The following JPH3 variants were observed in gnomAD, a reference collection of about 807,000 sequenced individuals.
JPH3 encodes the protein junctophilin-3.
A neutral mutation model predicts 59.6 loss-of-function variants in JPH3; 11 were observed. The observed-to-expected ratio is 0.18, with a 90% CI of 0.12 to 0.31. The LOEUF is 0.31. JPH3 is among the 10% of genes least tolerant of loss of function. The pLI, the probability that JPH3 is intolerant of heterozygous loss-of-function variation, is 1.00. For synonymous variants in JPH3, 673 were observed against 483.6 expected (o/e 1.39, Z -5.14); for missense variants, 1,202 against 1,105.7 (o/e 1.09, Z -1.24).
At position 87,690,190 on chromosome 16, in the gene JPH3, C is replaced by G; in HGVS notation, c.1830C>G (p.Asn610Lys). ...LLELQEEKLSNYRMEMKPLLR... is the reference protein window; with the variant it reads ...LLELQEEKLSKYRMEMKPLLR... ...AGCTGCAGGAGGAGAAGCTGAGCAA[C>G]TACCGGATGGAGATGAAACCCTTGC... The change falls in exon 4 of 5, where the codon AAC becomes AAG. Residue 610 changes from asparagine (N) to lysine (K), a missense_variant. By Grantham distance (94) the Asn-to-Lys change is moderately conservative. Coordinates refer to ENST00000284262, the MANE Select transcript of JPH3 (RefSeq NM_020655.4). The G allele has an allele frequency of 6.2e-7, 1 of 1,602,170 alleles. No individual in the cohort carries two copies. The highest frequency in any genetic ancestry group is 8.5e-7 in the Non-Finnish European group (1 of 1,174,952).
At chr16:87,627,915 C>T (rs1302445379) in intron 1 of JPH3, among the ~76,000 whole-genome samples, 2 of 152,060 alleles carry the variant, frequency 1.3e-5, no homozygotes, top group African/African-American at 2.4e-5. Flanking sequence ...TTTCCACTAA[C>T]CCTGCTGTCT....
intron 2 of JPH3, among the ~76,000 whole-genome samples, chr16:87,663,319 G>T (rs148024386): frequency 0.06 from 9,133 of 152,128 alleles, 378 homozygotes; most frequent in Non-Finnish European, 0.091. Context: ...CGTTGGTCAG[G>T]CTGGTCTCAA....
intron 2 of JPH3, among the ~76,000 whole-genome samples, chr16:87,674,122 C>T (rs1393438886): frequency 2.6e-5 from 4 of 151,568 alleles, no homozygotes; most frequent in Non-Finnish European, 5.9e-5. Flanking sequence ...ATCACGAGGT[C>T]AGGAGATCGA....
intron 4 of JPH3, among the ~76,000 whole-genome samples, chr16:87,691,320 C>G (rs2033567115): frequency 1.3e-5 from 2 of 152,306 alleles, no homozygotes; most frequent in African/African-American, 2.4e-5. Context: ...GAATGAAGGG[C>G]TGTGGGACGG....
chr16:87,696,266 G>A, intron 4 of JPH3: 2 of 480,846 alleles, frequency 4.2e-6, no homozygotes, highest in Non-Finnish European at 7.7e-6. Context: ...TTGCAGGGAG[G>A]CCTGGGTGGT....
chr16:87,641,430 G>T (rs2031947525), intron 1 of JPH3, among the ~76,000 whole-genome samples: 1 of 152,156 alleles, frequency 6.6e-6, no homozygotes, highest in Non-Finnish European at 1.5e-5. Context: ...GCAGCTTTGG[G>T]GGTACAGAAT....
At chr16:87,636,930 C>T (rs1285382056) in intron 1 of JPH3, among the ~76,000 whole-genome samples, 1 of 152,158 alleles carries the variant, frequency 6.6e-6, no homozygotes, top group Non-Finnish European at 1.5e-5. Flanking sequence ...CGCAGTGGGG[C>T]CTGGACGCGG....
intron 1 of JPH3, among the ~76,000 whole-genome samples, chr16:87,627,658 A>G (rs1436047279): frequency 2.8e-5 from 4 of 144,326 alleles, no homozygotes; most frequent in Non-Finnish European, 6.0e-5. Flanking sequence ...CTTGGAGGGA[A>G]TGATTTTTTA....
chr16:87,676,070 CGAT>C (rs1468765335), intron 2 of JPH3, among the ~76,000 whole-genome samples: 3 of 152,252 alleles, frequency 2.0e-5, no homozygotes, highest in Non-Finnish European at 4.4e-5. Context: ...AGTTAGATCA[CGAT>C]GGTGGTGACC....
intron 2 of JPH3, among the ~76,000 whole-genome samples, chr16:87,662,401 C>G (rs2032733231): frequency 6.6e-6 from 1 of 151,558 alleles, no homozygotes; most frequent in Non-Finnish European, 1.5e-5. Flanking sequence ...TCCCCTCTGC[C>G]TGACTTCACT....
intron 4 of JPH3, among the ~76,000 whole-genome samples, chr16:87,691,084 G>GCA (rs1555543736): frequency 5.5e-5 from 6 of 108,438 alleles, no homozygotes; most frequent in African/African-American, 2.2e-4. Flanking sequence ...GCCTCACCCA[G>GCA]CACCCCCCCC....
chr16:87,641,669 T>C (rs891342084), intron 1 of JPH3, among the ~76,000 whole-genome samples: 5 of 152,262 alleles, frequency 3.3e-5, no homozygotes, highest in African/African-American at 1.2e-4. Flanking sequence ...CCGATTCCTT[T>C]TTCAACGGAG....
intron 2 of JPH3, among the ~76,000 whole-genome samples, chr16:87,672,899 C>T (rs1443153372): frequency 6.6e-6 from 1 of 152,182 alleles, no homozygotes; most frequent in African/African-American, 2.4e-5. Flanking sequence ...AATCTCAGCA[C>T]TTTGGGAGGC....
At chr16:87,675,849 C>G (rs1362912016) in intron 2 of JPH3, among the ~76,000 whole-genome samples, 3 of 152,230 alleles carry the variant, frequency 2.0e-5, no homozygotes, top group African/African-American at 7.2e-5. Flanking sequence ...TACACCCACT[C>G]CCATCCTATT....
At chr16:87,632,462 T>C (rs2031594496) in intron 1 of JPH3, among the ~76,000 whole-genome samples, 1 of 152,230 alleles carries the variant, frequency 6.6e-6, no homozygotes, top group African/African-American at 2.4e-5. Flanking sequence ...GTCCTAACTT[T>C]AAGAGATGGA....
chr16:87,693,887 C>T (rs1403807100), intron 4 of JPH3: 1 of 152,268 alleles, frequency 6.6e-6, no homozygotes, highest in Non-Finnish European at 1.5e-5. Flanking sequence ...TCATTGGCTG[C>T]TCATCCCCAA....
chr16:87,694,458 C>T (rs1458685414), intron 4 of JPH3: 1 of 152,240 alleles, frequency 6.6e-6, no homozygotes, highest in Non-Finnish European at 1.5e-5. Flanking sequence ...CGGGATGTGG[C>T]ATCCAGGCTA....
intron 2 of JPH3, among the ~76,000 whole-genome samples, chr16:87,655,886 C>G (rs1467722360): frequency 1.3e-5 from 2 of 152,208 alleles, no homozygotes; most frequent in African/African-American, 4.8e-5. Context: ...CCTGAGTCCG[C>G]TCAGGGGTCT....
intron 2 of JPH3, among the ~76,000 whole-genome samples, chr16:87,657,907 G>A (rs1483870445): frequency 6.6e-6 from 1 of 152,226 alleles, no homozygotes; most frequent in Non-Finnish European, 1.5e-5. Flanking sequence ...CAGTGCTGTG[G>A]GAGAGGAGGA....
Sources: gnomAD v4.1 joint callset for allele counts (sites outside exome capture counted in the v4.1 genomes callset) on GRCh38, gnomAD v4.1.1 for gene constraint, MANE v1.5 for transcripts, NCBI Gene and HGNC (gene_info 2026-07-23, HGNC 2026-07-21) for gene names.